EIF4EBP2: variants seen among roughly 807,000 people sequenced by gnomAD.
The protein encoded by EIF4EBP2 is eukaryotic translation initiation factor 4E binding protein 2.
In EIF4EBP2, 5 loss-of-function variants were observed where a neutral mutation model predicts 10.3. That is an observed-to-expected ratio of 0.48 (90% CI 0.25 to 1.02). EIF4EBP2 has a LOEUF of 1.02. Among genes scored for constraint, EIF4EBP2 ranks in the 50% least tolerant of loss-of-function variants. The probability of loss-of-function intolerance (pLI) is 0.15; values close to 1 mark genes in which losing one functional copy is unlikely to be tolerated. For missense variants in EIF4EBP2, 188 were observed against 162.2 expected, an observed-to-expected ratio of 1.16 and a Z score of -0.86; for synonymous variants, 67 against 61.1, an observed-to-expected ratio of 1.10 and a Z score of -0.45.
chr10:70,406,197 G>A (rs1169628233), intron 1 of EIF4EBP2, among the ~76,000 whole-genome samples: 1 of 152,064 alleles, frequency 6.6e-6, no homozygotes, highest in African/African-American at 2.4e-5. Flanking sequence ...GCCCAGGCTC[G>A]TCCTGGGCTC....
At chr10:70,406,912 T>TA (rs1364588998) in intron 1 of EIF4EBP2, among the ~76,000 whole-genome samples, 35 of 152,210 alleles carry the variant, frequency 2.3e-4, no homozygotes, top group South Asian at 8.3e-4. Context: ...TTTATTTATT[T>TA]TTGGAGACGG....
At chr10:70,404,675 G>A in intron 1 of EIF4EBP2, 129 bp downstream of exon 1, 1 of 1,254,812 alleles carries the variant, frequency 8.0e-7, no homozygotes, top group Non-Finnish European at 1.0e-6. Flanking sequence ...GCTGCCCTTG[G>A]GCCCGCCCGA....
intron 1 of EIF4EBP2, among the ~76,000 whole-genome samples, chr10:70,412,868 C>T (rs1430682062): frequency 6.6e-6 from 1 of 152,086 alleles, no homozygotes; most frequent in East Asian, 1.9e-4. Context: ...TCTAAAGCTT[C>T]CTATTCTGAA....
chr10:70,415,444 T>G (rs1845084129), intron 1 of EIF4EBP2, among the ~76,000 whole-genome samples: 2 of 152,120 alleles, frequency 1.3e-5, no homozygotes, highest in Non-Finnish European at 2.9e-5. Context: ...CTGACAAAAT[T>G]CATATGGAAC....
At chr10:70,413,672 G>C (rs1287511238) in intron 1 of EIF4EBP2, among the ~76,000 whole-genome samples, 8 of 148,866 alleles carry the variant, frequency 5.4e-5, no homozygotes, top group African/African-American at 2.0e-4. Flanking sequence ...TTCCTTAACT[G>C]TTAATTCTTC....
intron 1 of EIF4EBP2, among the ~76,000 whole-genome samples, chr10:70,409,325 T>C (rs1845017539): frequency 6.6e-6 from 1 of 152,178 alleles, no homozygotes; most frequent in Admixed American, 6.5e-5. Flanking sequence ...TCTATCTGCC[T>C]GTGGAGGAGT....
intron 1 of EIF4EBP2, among the ~76,000 whole-genome samples, chr10:70,411,263 C>T (rs1589146465): frequency 6.6e-6 from 1 of 152,156 alleles, no homozygotes; most frequent in African/African-American, 2.4e-5. Context: ...AGCTAATCAT[C>T]CTACTTTGTG....
At chr10:70,416,154 A>G (rs977079120) in intron 1 of EIF4EBP2, among the ~76,000 whole-genome samples, 1 of 152,238 alleles carries the variant, frequency 6.6e-6, no homozygotes, top group African/African-American at 2.4e-5. Context: ...ATTAGCCATC[A>G]GGGAAATGCA....
chr10:70,407,991 C>A, intron 1 of EIF4EBP2, among the ~76,000 whole-genome samples: 1 of 118,504 alleles, frequency 8.4e-6, no homozygotes, highest in Non-Finnish European at 1.8e-5. Flanking sequence ...GGCTGACCCC[C>A]CCACCTCCCT....
chr10:70,414,910 A>G (rs1461885974), intron 1 of EIF4EBP2, among the ~76,000 whole-genome samples: 1 of 151,898 alleles, frequency 6.6e-6, no homozygotes, highest in Non-Finnish European at 1.5e-5. Flanking sequence ...TTATCCCATC[A>G]TTTTGGAAGG....
chr10:70,422,045 AGTT>A lies in EIF4EBP2; in HGVS notation c.*302_*304del. ...AAAACAGTTCAACTCTGACTTTCCT[AGTT>A]GTTTTTTTATTGAGAGCCACCCTCA... On this transcript the variant is annotated 3_prime_UTR_variant, in exon 3 of 3. Transcript: ENST00000373218. 2.5e-6 allele frequency: 1 copy of A among 397,318 alleles called. No individual in the cohort carries two copies. The highest frequency in any genetic ancestry group is 4.6e-6 in the Non-Finnish European group (1 of 217,966). 24.6% of individuals were successfully genotyped at this position (397,318 alleles called of 1,614,324 possible). A position where few individuals can be genotyped will look rare whatever the true frequency, so the allele number is the denominator to read the frequency against.
At position 70,427,748 on chromosome 10, in the gene EIF4EBP2, G is replaced by T. The variant is rs1230355866; in HGVS notation, c.*6001G>T. 1.3e-5 allele frequency: 2 copies of T among 152,088 alleles called. No homozygotes were observed. Among genetic ancestry groups the T allele is most frequent in the African/African-American group, 4.8e-5 (2 of 41,400 alleles). The allele number at this position is 152,088 out of a possible 1,614,324, so 9.4% of individuals were successfully genotyped here. ...ACTGAGATGAAACACATTTCCAAGG[G>T]TATTTAAACTCTCACTCTGCCACCT... On this transcript the variant is annotated 3_prime_UTR_variant, in exon 3 of 3. Coordinates refer to ENST00000373218, the MANE Select transcript of EIF4EBP2 (RefSeq NM_004096.5).
rs1297939346 is a variant in EIF4EBP2, at chr10:70,422,944, T to C, written c.*1197T>C. 1.3e-5 allele frequency: 2 copies of C among 152,278 alleles called. No individual in the cohort carries two copies. The highest frequency in any genetic ancestry group is 4.8e-5 in the African/African-American group (2 of 41,444). 9.4% of individuals were successfully genotyped at this position (152,278 alleles called of 1,614,324 possible). A position where few individuals can be genotyped will look rare whatever the true frequency, so the allele number is the denominator to read the frequency against. Reference sequence around the variant, plus strand: ...TTCCTCCCAGTTTTCTTGCCTTTCCTGTTGTACTCTGAATTTCTCTCCCTA... The same window carrying C: ...TTCCTCCCAGTTTTCTTGCCTTTCCCGTTGTACTCTGAATTTCTCTCCCTA... On this transcript the variant is annotated 3_prime_UTR_variant, in exon 3 of 3. Transcript: ENST00000373218.
intron 1 of EIF4EBP2, among the ~76,000 whole-genome samples, chr10:70,417,934 T>C (rs1338738415): frequency 6.6e-6 from 1 of 152,214 alleles, no homozygotes; most frequent in Non-Finnish European, 1.5e-5. Context: ...TTACATAGCA[T>C]GCTAATAAGC....
At chr10:70,410,895 G>T (rs1209345824) in intron 1 of EIF4EBP2, among the ~76,000 whole-genome samples, 2 of 152,120 alleles carry the variant, frequency 1.3e-5, no homozygotes, top group African/African-American at 4.8e-5. Flanking sequence ...CAAATGCTTT[G>T]TTTCTTTTTT....
In EIF4EBP2 at chr10:70,426,406, G is replaced by A. The variant is rs7082670; in HGVS notation, c.*4659G>A. Reference sequence around the variant, plus strand: ...CTGCCTCAGCCTTCCGAGTAGCTGGGATTACAGGCATGTACCACTATGCCT... The same window carrying A: ...CTGCCTCAGCCTTCCGAGTAGCTGGAATTACAGGCATGTACCACTATGCCT... On this transcript the variant is annotated 3_prime_UTR_variant, in exon 3 of 3. Coordinates refer to ENST00000373218, the MANE Select transcript of EIF4EBP2 (RefSeq NM_004096.5). 13,010 of 152,246 alleles carry A rather than the reference G, an allele frequency of 0.085. 750 individuals are homozygous for A. The highest frequency in any genetic ancestry group is 0.23 in the East Asian group (1,207 of 5,172). 9.4% of individuals were successfully genotyped at this position (152,246 alleles called of 1,614,324 possible).
chr10:70,416,876 A>C (rs909832573), intron 1 of EIF4EBP2, among the ~76,000 whole-genome samples: 2 of 151,982 alleles, frequency 1.3e-5, no homozygotes, highest in Non-Finnish European at 2.9e-5. Flanking sequence ...CATGTTGCCC[A>C]GGCTGGTCTT....
chr10:70,415,213 A>G (rs1845082185), intron 1 of EIF4EBP2, among the ~76,000 whole-genome samples: 1 of 152,170 alleles, frequency 6.6e-6, no homozygotes, highest in Non-Finnish European at 1.5e-5. Flanking sequence ...ATAGCATGAA[A>G]ACAATTTGAT....
intron 1 of EIF4EBP2, among the ~76,000 whole-genome samples, chr10:70,415,873 GAAAA>G (rs60699796): frequency 2.4e-4 from 27 of 114,760 alleles, no homozygotes; most frequent in African/African-American, 4.6e-4. Flanking sequence ...ACAAACAAAA[GAAAA>G]AAAAAAAAAC....
Sources: allele counts gnomAD v4.1 joint callset (sites outside exome capture counted in the v4.1 genomes callset), GRCh38; gene constraint gnomAD v4.1.1; transcripts MANE v1.5; gene names NCBI Gene and HGNC (gene_info 2026-07-23, HGNC 2026-07-21).